Variants in GRIN2B observed in about 807,000 individuals in gnomAD.
The protein encoded by GRIN2B is glutamate receptor ionotropic, NMDA 2B.
In GRIN2B, 5 loss-of-function variants were observed where a neutral mutation model predicts 114.5. The ratio of observed to expected loss-of-function variants is 0.04; its 90% CI spans 0.02 to 0.09. The LOEUF is 0.09. Ranked by LOEUF, GRIN2B falls within the 10% of genes least tolerant of loss-of-function variation. The probability of loss-of-function intolerance (pLI) is 1.00; values close to 1 mark genes in which losing one functional copy is unlikely to be tolerated. For synonymous variants in GRIN2B, 787 were observed against 745.1 expected (o/e 1.06, Z -0.92); for missense variants, 1,108 against 1,943.5 (o/e 0.57, Z 8.08).
At chr12:13,789,938 G>A (rs220553) in intron 3 of GRIN2B, among the ~76,000 whole-genome samples, 67,604 of 151,908 alleles carry the variant, frequency 0.45, 15,327 homozygotes, top group East Asian at 0.65. Context: ...GAGGTGAGGT[G>A]AATTGGAAGT....
chr12:13,689,214 A>G (rs1369776860), intron 4 of GRIN2B, among the ~76,000 whole-genome samples: 1 of 152,036 alleles, frequency 6.6e-6, no homozygotes, highest in Non-Finnish European at 1.5e-5. Flanking sequence ...AGTCATCTCC[A>G]CTTGCATTTA....
At chr12:13,822,755 A>G (rs116312196) in intron 3 of GRIN2B, among the ~76,000 whole-genome samples, 2,515 of 149,798 alleles carry the variant, frequency 0.017, 79 homozygotes, top group African/African-American at 0.06. Context: ...ATTTGCATAC[A>G]TCCGCCAATC....
rs1419847366 is a variant in GRIN2B at position 13,551,372 on chromosome 12, G to C, written c.*11411C>G. On this transcript the variant is annotated 3_prime_UTR_variant, in exon 14 of 14. Transcript: ENST00000609686. ...CTGCTTCTCCATCCTCTTAGTACCA[G>C]TCCATCAACAGGACCTTAGAAGGCC... The C allele has an allele frequency of 6.6e-6, 1 of 152,100 alleles. No homozygotes were observed. The highest frequency in any genetic ancestry group is 6.6e-5 in the Admixed American group (1 of 15,262). The allele number at this position is 152,100 out of a possible 1,614,324, so 9.4% of individuals were successfully genotyped here.
At chr12:13,746,382 T>A (rs1332385562) in intron 4 of GRIN2B, among the ~76,000 whole-genome samples, 1 of 152,200 alleles carries the variant, frequency 6.6e-6, no homozygotes, top group Non-Finnish European at 1.5e-5. Context: ...AGGCAGAATC[T>A]GTTTTCAGAA....
intron 4 of GRIN2B, among the ~76,000 whole-genome samples, chr12:13,700,622 C>A (rs1950303178): frequency 6.6e-6 from 1 of 152,166 alleles, no homozygotes; most frequent in Admixed American, 6.5e-5. Context: ...TGGTGACTCC[C>A]AGGTGACAGC....
At chr12:13,812,624 C>T (rs1864753593) in intron 3 of GRIN2B, among the ~76,000 whole-genome samples, 1 of 152,032 alleles carries the variant, frequency 6.6e-6, no homozygotes, top group Non-Finnish European at 1.5e-5. Context: ...ATTAAGAATT[C>T]TGTTTTTTTA....
chr12:13,709,465 G>T (rs979265065), intron 4 of GRIN2B, among the ~76,000 whole-genome samples: 1 of 151,914 alleles, frequency 6.6e-6, no homozygotes, highest in Non-Finnish European at 1.5e-5. Context: ...CGTCAGCAAA[G>T]ACACAGAAGA....
chr12:13,757,844 T>G (rs1225355375), intron 3 of GRIN2B, among the ~76,000 whole-genome samples: 1 of 152,038 alleles, frequency 6.6e-6, no homozygotes, highest in Non-Finnish European at 1.5e-5. Flanking sequence ...AAAAAAGAGG[T>G]GCTTTTTCAT....
At chr12:13,958,945 G>A (rs1867644440) in intron 2 of GRIN2B, among the ~76,000 whole-genome samples, 1 of 152,008 alleles carries the variant, frequency 6.6e-6, no homozygotes, top group South Asian at 2.1e-4. Flanking sequence ...TTGGACCGCG[G>A]GAATTAGCTT....
At chr12:13,745,044 C>G (rs906867669) in intron 4 of GRIN2B, among the ~76,000 whole-genome samples, 1 of 152,114 alleles carries the variant, frequency 6.6e-6, no homozygotes, top group African/African-American at 2.4e-5. Flanking sequence ...CCTGACAGCA[C>G]CATTTGAGAG....
intron 10 of GRIN2B, among the ~76,000 whole-genome samples, chr12:13,606,053 T>A (rs191208198): frequency 2.0e-5 from 3 of 152,324 alleles, no homozygotes; most frequent in Admixed American, 2.0e-4. Context: ...CATAGTCTAC[T>A]ACCTCTCTGC....
intron 10 of GRIN2B, among the ~76,000 whole-genome samples, chr12:13,574,427 T>C (rs77644973): frequency 0.051 from 7,780 of 152,306 alleles, 232 homozygotes; most frequent in African/African-American, 0.078. Context: ...CAATGACAAC[T>C]GATGTTTATA....
At chr12:13,815,230 A>G (rs948646830) in intron 3 of GRIN2B, among the ~76,000 whole-genome samples, 1 of 152,234 alleles carries the variant, frequency 6.6e-6, no homozygotes, top group Non-Finnish European at 1.5e-5. Flanking sequence ...AAAGTCAGAT[A>G]GGCAGCAGAC....
chr12:13,939,631 T>C (rs1283436234), intron 2 of GRIN2B, among the ~76,000 whole-genome samples: 1 of 143,030 alleles, frequency 7.0e-6, no homozygotes, highest in Non-Finnish European at 1.5e-5. Context: ...TTTGGCTCAC[T>C]GCAACCTCTT....
At chr12:13,860,287 G>A (rs924565850) in intron 3 of GRIN2B, among the ~76,000 whole-genome samples, 2 of 152,096 alleles carry the variant, frequency 1.3e-5, no homozygotes, top group Non-Finnish European at 2.9e-5. Context: ...AAAATGAAAA[G>A]TGCTATTGAA....
At chr12:13,972,641 G>T (rs2136873568) in intron 2 of GRIN2B, among the ~76,000 whole-genome samples, 1 of 152,356 alleles carries the variant, frequency 6.6e-6, no homozygotes, top group African/African-American at 2.4e-5. Context: ...GTACTGAAAT[G>T]AGGGTCAGTG....
intron 6 of GRIN2B, among the ~76,000 whole-genome samples, chr12:13,616,175 A>C (rs1229162779): frequency 1.3e-5 from 2 of 152,216 alleles, no homozygotes; most frequent in Admixed American, 6.5e-5. Flanking sequence ...CACCAGAAGT[A>C]AACTTAAATC....
chr12:13,900,543 ACTAT>A (rs1866429637), intron 2 of GRIN2B, among the ~76,000 whole-genome samples: 1 of 152,154 alleles, frequency 6.6e-6, no homozygotes, highest in African/African-American at 2.4e-5. Flanking sequence ...TACTTCCATA[ACTAT>A]CACCCAGATT....
At chr12:13,582,340 A>G (rs1455894399) in intron 10 of GRIN2B, among the ~76,000 whole-genome samples, 1 of 152,274 alleles carries the variant, frequency 6.6e-6, no homozygotes, top group Non-Finnish European at 1.5e-5. Flanking sequence ...AAACAATAAT[A>G]TTGCAGAATG....
Sources: gnomAD v4.1 joint callset for allele counts (sites outside exome capture counted in the v4.1 genomes callset) on GRCh38, gnomAD v4.1.1 for gene constraint, MANE v1.5 for transcripts, NCBI Gene and HGNC (gene_info 2026-07-23, HGNC 2026-07-21) for gene names.